The following KYAT1 variants were observed in gnomAD, a reference collection of about 807,000 sequenced individuals.
KYAT1 encodes kynurenine aminotransferase 1.
In KYAT1, 47 loss-of-function variants were observed where a neutral mutation model predicts 52.4. The observed-to-expected ratio is 0.90, with a 90% CI of 0.71 to 1.14. The LOEUF (loss-of-function observed/expected upper bound fraction) is 1.14, where lower values mean the gene tolerates loss of function less well. Ranked by LOEUF, KYAT1 falls within the 50% of genes most tolerant of loss-of-function variation. KYAT1 has a pLI of 0.00. For synonymous variants in KYAT1, 212 were observed against 209.6 expected (o/e 1.01, Z -0.10); for missense variants, 480 against 557.9 (o/e 0.86, Z 1.41).
chr9:128,878,217 C>T (rs1838303920), intron 1 of KYAT1, among the ~76,000 whole-genome samples: 1 of 152,118 alleles, frequency 6.6e-6, no homozygotes, highest in Non-Finnish European at 1.5e-5. Context: ...TCACTGCAAC[C>T]TCTGCCTCCC....
upstream of KYAT1, chr9:128,882,215 GGCT>G (rs1839060244): frequency 6.5e-6 from 1 of 153,276 alleles, no homozygotes; most frequent in African/African-American, 2.4e-5. Flanking sequence ...CGGGGCCTGG[GGCT>G]GCCTGCCGGG....
chr9:128,847,633 C>T, intron 1 of KYAT1: 1 of 619,914 alleles, frequency 1.6e-6, no homozygotes, highest in Non-Finnish European at 2.8e-6. Context: ...TTGGGTCCCC[C>T]ACACACAGCT....
At chr9:128,871,832 A>C (rs952323149) in intron 1 of KYAT1, among the ~76,000 whole-genome samples, 3 of 152,176 alleles carry the variant, frequency 2.0e-5, no homozygotes, top group Non-Finnish European at 4.4e-5. Context: ...TGGCATTATA[A>C]AAATGACCAT....
intron 1 of KYAT1, chr9:128,846,585 C>T (rs983016152): frequency 3.3e-5 from 31 of 929,758 alleles, no homozygotes; most frequent in Admixed American, 7.1e-5. Context: ...CCCGACCCAA[C>T]GAGCAAGACT....
At position 128,832,981 on chromosome 9, in the gene KYAT1, G is replaced by T. The variant is rs1830413027; in HGVS notation, c.*603C>A. ...TTCATTTGAGGGCCTTGGGTGCTAG[G>T]CCTGGTTGTGCCACTATGTGACTAC... On this transcript the variant is annotated 3_prime_UTR_variant, in exon 13 of 13. Transcript: ENST00000302586. The T allele has an allele frequency of 2.0e-5, 3 of 153,636 alleles. No homozygotes were observed. 9.5% of individuals were successfully genotyped at this position (153,636 alleles called of 1,614,324 possible).
intron 11 of KYAT1, 35 bp downstream of exon 11, chr9:128,835,288 A>T: frequency 6.3e-7 from 1 of 1,580,840 alleles, no homozygotes; most frequent in Non-Finnish European, 8.7e-7. Flanking sequence ...AACCTGTGAA[A>T]CCATACATGG....
At chr9:128,847,729 G>A in intron 1 of KYAT1, 1 of 522,084 alleles carries the variant, frequency 1.9e-6, no homozygotes, top group Non-Finnish European at 3.4e-6. Context: ...TCTGTTGCAT[G>A]ATTATCCGAC....
At chr9:128,853,996 C>A (rs931732998) in intron 1 of KYAT1, among the ~76,000 whole-genome samples, 3 of 152,242 alleles carry the variant, frequency 2.0e-5, no homozygotes, top group Non-Finnish European at 4.4e-5. Context: ...GGAGAAAATA[C>A]TTCCCATGTT....
rs144041206 is a variant in KYAT1, at chr9:128,850,991, A to C, written c.-6-5580T>G. Among the ~76,000 whole-genome samples, 464 of 152,172 alleles carry C rather than the reference A, an allele frequency of 3.0e-3. 3 individuals are homozygous for C. Among genetic ancestry groups the C allele is most frequent in the African/African-American group, 0.011 (441 of 41,516 alleles). On this transcript the variant is annotated intron_variant, in intron 1 of 12. Coordinates refer to ENST00000302586, the MANE Select transcript of KYAT1 (RefSeq NM_004059.5). ...TTCTTTTGCTCATGTTTTTTGCTGA[A>C]CTTCTCCTTATTATCACCCTGCTCT... is the stretch of plus-strand genomic sequence containing the variant.
At chr9:128,847,425 G>C in intron 1 of KYAT1, 1 of 1,529,048 alleles carries the variant, frequency 6.5e-7, no homozygotes, top group Non-Finnish European at 8.8e-7. Context: ...TGGGGTTAGG[G>C]CACTTACAGT....
chr9:128,847,551 T>C, intron 1 of KYAT1: 3 of 1,512,670 alleles, frequency 2.0e-6, no homozygotes. Flanking sequence ...CTTGGGGCAC[T>C]GCAGACTTTT....
At chr9:128,855,548 A>T (rs1177790771) in intron 1 of KYAT1, among the ~76,000 whole-genome samples, 1 of 152,250 alleles carries the variant, frequency 6.6e-6, no homozygotes, top group African/African-American at 2.4e-5. Flanking sequence ...AAGTTGTGTA[A>T]AACCCTCTTA....
intron 9 of KYAT1, 41 bp downstream of exon 9, chr9:128,835,738 G>A (rs1830950103): frequency 6.2e-7 from 1 of 1,604,760 alleles, no homozygotes; most frequent in African/African-American, 1.3e-5. Flanking sequence ...GGGCTCTTTT[G>A]TTGTCCCCCC....
intron 1 of KYAT1, among the ~76,000 whole-genome samples, chr9:128,855,431 G>A (rs960989755): frequency 6.6e-6 from 1 of 152,208 alleles, no homozygotes; most frequent in Non-Finnish European, 1.5e-5. Context: ...GCTTACTGTG[G>A]CCTCGCACCA....
intron 1 of KYAT1, among the ~76,000 whole-genome samples, chr9:128,861,658 T>G (rs1343583233): frequency 6.6e-6 from 1 of 152,198 alleles, no homozygotes; most frequent in African/African-American, 2.4e-5. Flanking sequence ...ACCTGTGCCT[T>G]GAGCAACAAA....
chr9:128,863,428 T>G (rs923167172), intron 1 of KYAT1, among the ~76,000 whole-genome samples: 1 of 151,284 alleles, frequency 6.6e-6, no homozygotes. Context: ...AGCTCAGAAG[T>G]TCAAGACTAG....
chr9:128,855,731 G>C (rs1266957005), intron 1 of KYAT1, among the ~76,000 whole-genome samples: 1 of 152,186 alleles, frequency 6.6e-6, no homozygotes, highest in Non-Finnish European at 1.5e-5. Flanking sequence ...ACCGTGGGAG[G>C]CTTCCCCATC....
intron 6 of KYAT1, among the ~76,000 whole-genome samples, chr9:128,837,456 G>A (rs1175449430): frequency 1.3e-5 from 2 of 152,204 alleles, no homozygotes; most frequent in African/African-American, 4.8e-5. Flanking sequence ...CAGGGTCACT[G>A]GGAAGTGATG....
intron 1 of KYAT1, among the ~76,000 whole-genome samples, chr9:128,873,363 G>T (rs1205129221): frequency 9.3e-6 from 1 of 107,760 alleles, no homozygotes; most frequent in African/African-American, 3.3e-5. Context: ...TATAGAAAAT[G>T]AAAAAAAAAA....
Sources: allele counts gnomAD v4.1 joint callset (sites outside exome capture counted in the v4.1 genomes callset), GRCh38; gene constraint gnomAD v4.1.1; transcripts MANE v1.5; gene names NCBI Gene and HGNC (gene_info 2026-07-23, HGNC 2026-07-21).